The following RALY variants were observed in gnomAD, a reference collection of about 807,000 sequenced individuals.
RALY encodes the protein RNA-binding protein Raly.
In RALY, 15 loss-of-function variants were observed where a neutral mutation model predicts 30.7. The ratio of observed to expected loss-of-function variants is 0.49; its 90% CI spans 0.33 to 0.75. RALY has a LOEUF of 0.75. RALY is among the 30% of genes least tolerant of loss of function. The pLI is 0.02. For synonymous variants in RALY, 177 were observed against 170.8 expected (o/e 1.04, Z -0.28); for missense variants, 339 against 414.3 (o/e 0.82, Z 1.58).
Position 34,076,722 on chromosome 20 carries a change from G to T in RALY, c.565G>T (p.Ala189Ser). The change falls in exon 7 of 10, where the codon GCC (alanine) becomes TCC (serine). Residue 189 changes from alanine (A) to serine (S), a missense_variant. Physicochemically the swap from Ala to Ser is moderately conservative, Grantham distance 99. Transcript: ENST00000246194. ...CCCAGTAAAGAGCAGTGAGCTGCAG[G>T]CCATCAAGACGGAGCTGACACAGAT... is the stretch of plus-strand genomic sequence containing the variant. ...KIKLKSSELQAIKTELTQIKS... is the reference protein window; with the variant it reads ...KIKLKSSELQSIKTELTQIKS... The T allele has an allele frequency of 1.2e-6, 2 of 1,614,062 alleles. No individual in the cohort carries two copies. The highest frequency in any genetic ancestry group is 1.7e-6 in the Non-Finnish European group (2 of 1,180,010).
chr20:34,040,888 C>A (rs1165427794), intron 2 of RALY, among the ~76,000 whole-genome samples: 1 of 152,140 alleles, frequency 6.6e-6, no homozygotes, highest in East Asian at 1.9e-4. Flanking sequence ...ATACTGCCTC[C>A]CTGTCCTCTG....
intron 1 of RALY, chr20:34,015,177 A>T (rs1459976346): frequency 1.3e-5 from 2 of 152,140 alleles, no homozygotes; most frequent in Non-Finnish European, 2.9e-5. Flanking sequence ...CTACTAATCC[A>T]CCTGTCCCCC....
At chr20:34,076,169 C>T (rs1466829740) in intron 6 of RALY, 129 bp downstream of exon 6, 1 of 1,172,310 alleles carries the variant, frequency 8.5e-7, no homozygotes, top group Non-Finnish European at 1.2e-6. Context: ...TCTAACACAG[C>T]CAAGTATTTT....
At chr20:34,010,693 A>G (rs1340897844) in intron 1 of RALY, among the ~76,000 whole-genome samples, 1 of 152,206 alleles carries the variant, frequency 6.6e-6, no homozygotes, top group African/African-American at 2.4e-5. Context: ...AGTAAGTGTT[A>G]GGAACTCAAA....
chr20:34,040,596 C>G (rs952158075), intron 2 of RALY, among the ~76,000 whole-genome samples: 2 of 152,226 alleles, frequency 1.3e-5, no homozygotes, highest in African/African-American at 4.8e-5. Flanking sequence ...TCATGTGAAT[C>G]ACGTTCAGAC....
At chr20:34,072,457 C>G in intron 3 of RALY, 127 bp downstream of exon 3, 1 of 1,282,968 alleles carries the variant, frequency 7.8e-7, no homozygotes, top group East Asian at 2.5e-5. Flanking sequence ...AATTTATAAG[C>G]TATGTTTAAG....
At chr20:34,005,330 G>A (rs1208149586) in intron 1 of RALY, among the ~76,000 whole-genome samples, 4 of 152,126 alleles carry the variant, frequency 2.6e-5, no homozygotes, top group Non-Finnish European at 5.9e-5. Context: ...ACGGAGTAGT[G>A]AAACCCCGTC....
At chr20:34,076,260 T>G in intron 6 of RALY, 2 of 628,954 alleles carry the variant, frequency 3.2e-6, no homozygotes, top group South Asian at 4.1e-5. Flanking sequence ...CTGGATATGG[T>G]GCCCAGTGAA....
At position 34,077,042 on chromosome 20, in the gene RALY, G is replaced by T. The variant is rs554711695; in HGVS notation, c.673G>T (p.Gly225Cys). 6.3e-5 allele frequency: 101 copies of T among 1,594,686 alleles called. No homozygotes were observed. Among genetic ancestry groups the T allele is most frequent in the Non-Finnish European group, 7.7e-5 (91 of 1,174,894 alleles). Residue 225 changes from glycine to cysteine, a missense_variant, in exon 8 of 10, where the codon GGT becomes TGT. Around this residue, in one of 2 missense-constraint regions of RALY, gnomAD observed 268 missense variants for 280.6 expected, o/e 0.95. Transcript: ENST00000246194. The part of the protein sequence containing the change: ...QKANPDGKKK[G>C]DGGGAGGGGG... ...TTCCCCTCAAGATGGCAAGAAGAAG[G>T]GTGATGGAGGTGGCGCCGGCGGCGG...
chr20:33,994,508 T>TGCTCCGGGGAGGCC (rs1486691775), intron 1 of RALY, among the ~76,000 whole-genome samples: 1 of 152,218 alleles, frequency 6.6e-6, no homozygotes, highest in African/African-American at 2.4e-5. Flanking sequence ...GAACGGAGGC[T>TGCTCCGGGGAGGCC]GCTCCGGGGA....
rs898859555 is a variant in RALY, at chr20:34,038,223, A to G, written c.-10+6619A>G. Reference sequence around the variant, plus strand: ...CAGGCCAGAGCAGAAGAACAGCCAAACAGGAGAGGGACCTGTAGGTTAGAT... The same window carrying G: ...CAGGCCAGAGCAGAAGAACAGCCAAGCAGGAGAGGGACCTGTAGGTTAGAT... On this transcript the variant is annotated intron_variant, in intron 2 of 9. Transcript: ENST00000246194. 5.8e-4 allele frequency among the ~76,000 whole-genome samples: 89 copies of G among 152,182 alleles called. 1 individual carries two copies. Among genetic ancestry groups the G allele is most frequent in the African/African-American group, 2.1e-3 (85 of 41,442 alleles).
chr20:34,067,519 A>C (rs1410120049), intron 2 of RALY, among the ~76,000 whole-genome samples: 1 of 152,162 alleles, frequency 6.6e-6, no homozygotes, highest in East Asian at 1.9e-4. Context: ...CCCAAAGATC[A>C]GAGGTACCTT....
chr20:34,068,586 T>TTAA (rs1258991823), intron 2 of RALY, among the ~76,000 whole-genome samples: 1 of 152,178 alleles, frequency 6.6e-6, no homozygotes, highest in Non-Finnish European at 1.5e-5. Flanking sequence ...CAGGGCAGAG[T>TTAA]AATAAGAGTA....
intron 2 of RALY, among the ~76,000 whole-genome samples, chr20:34,071,234 G>A (rs1287091183): frequency 6.6e-6 from 1 of 152,064 alleles, no homozygotes; most frequent in East Asian, 1.9e-4. Flanking sequence ...TTTTCAAAAT[G>A]GTTGGTAGCA....
At chr20:34,071,425 C>A (rs1209164188) in intron 2 of RALY, among the ~76,000 whole-genome samples, 3 of 151,902 alleles carry the variant, frequency 2.0e-5, no homozygotes, top group Non-Finnish European at 4.4e-5. Context: ...TTACAGGTAC[C>A]CGCCACCACG....
At chr20:34,022,223 A>G (rs73257737) in intron 1 of RALY, among the ~76,000 whole-genome samples, 34 of 151,512 alleles carry the variant, frequency 2.2e-4, no homozygotes, top group African/African-American at 8.0e-4. Context: ...GCCACCATGC[A>G]CAGCCTGGAC....
intron 2 of RALY, among the ~76,000 whole-genome samples, chr20:34,060,152 T>C (rs1450723349): frequency 6.6e-6 from 1 of 152,206 alleles, no homozygotes. Flanking sequence ...TTTTCCTTGA[T>C]CACAGTTCAG....
chr20:34,066,916 A>G (rs946313152), intron 2 of RALY, among the ~76,000 whole-genome samples: 1 of 152,236 alleles, frequency 6.6e-6, no homozygotes, highest in Non-Finnish European at 1.5e-5. Context: ...GAAAAGGGAA[A>G]GGGTGAGGAC....
At chr20:34,064,191 A>G (rs1317151226) in intron 2 of RALY, among the ~76,000 whole-genome samples, 1 of 152,130 alleles carries the variant, frequency 6.6e-6, no homozygotes, top group Non-Finnish European at 1.5e-5. Context: ...TATAGGCATA[A>G]GTTACCTACC....
Sources: gnomAD v4.1 joint callset for allele counts (sites outside exome capture counted in the v4.1 genomes callset) on GRCh38, gnomAD v4.1.1 for gene constraint, gnomAD v4.1.1 regional missense constraint, MANE v1.5 for transcripts, NCBI Gene and HGNC (gene_info 2026-07-23, HGNC 2026-07-21) for gene names.